RCC2: variants seen among roughly 807,000 people sequenced by gnomAD.
The protein encoded by RCC2 is protein RCC2.
RCC2 carries 19 observed loss-of-function variants against 64.1 expected under a neutral mutation model. That is an observed-to-expected ratio of 0.30 (90% confidence interval 0.21 to 0.44). RCC2 has a LOEUF of 0.44. Among genes scored for constraint, RCC2 ranks in the 20% least tolerant of loss-of-function variants. RCC2 has a pLI of 1.00. For synonymous variants in RCC2, 325 were observed against 279.6 expected (o/e 1.16, Z -1.62); for missense variants, 508 against 710.4 (o/e 0.72, Z 3.24).
chr1:17,412,331 G>A (rs571971967), intron 10 of RCC2, 137 bp from the exon 11 acceptor site: 5 of 700,496 alleles, frequency 7.1e-6, no homozygotes, highest in African/African-American at 5.4e-5. Context: ...CAATAACAGG[G>A]CCAACAGGTT....
At chr1:17,437,556 G>T (rs989989042) in intron 2 of RCC2, among the ~76,000 whole-genome samples, 1 of 152,076 alleles carries the variant, frequency 6.6e-6, no homozygotes, top group African/African-American at 2.4e-5. Flanking sequence ...TCTTCACTTG[G>T]GGGGGCTACA....
At position 17,422,739 on chromosome 1, in the gene RCC2, T is replaced by C. The variant is rs1464096435; in HGVS notation, c.621A>G (p.Ala207=). 1.9e-6 allele frequency: 3 copies of C among 1,614,118 alleles called. No homozygotes were observed. The highest frequency in any genetic ancestry group is 1.6e-4 in the Middle Eastern group (1 of 6,062). ...EGLSHEVIVS[A]ACGRNHTLAL... is the part of the protein sequence containing the mutation. Reference sequence around the variant, plus strand: ...CCAAGGTGTGGTTCCGCCCACATGCTGCAGACACAATCACTTCGTGGCTAA... The same window carrying C: ...CCAAGGTGTGGTTCCGCCCACATGCCGCAGACACAATCACTTCGTGGCTAA... Residue 207 remains alanine (A), a synonymous_variant, in exon 5 of 13, where the codon GCA becomes GCG. Transcript: ENST00000375436.
rs372939863 is a variant in RCC2, at chr1:17,432,939, A to C, written c.286-3740T>G. Among the ~76,000 whole-genome samples the C allele has an allele frequency of 8.7e-4, 133 of 152,256 alleles. 1 individual carries two copies. The highest frequency in any genetic ancestry group is 3.1e-3 in the African/African-American group (129 of 41,562). On this transcript the variant is annotated intron_variant, in intron 2 of 12. Coordinates refer to ENST00000375436, the MANE Select transcript of RCC2 (RefSeq NM_018715.4). ...CGCCACTGCACTCCAGACTGGGCGA[A>C]AGAGCGAGACTCCATCTTAAAAAAA...
In RCC2 at chr1:17,424,281, C is replaced by T. The variant is rs558959346; in HGVS notation, c.523+1260G>A. Among the ~76,000 whole-genome samples, 5 of 152,322 alleles carry T rather than the reference C, an allele frequency of 3.3e-5. 1 individual carries two copies. In the South Asian group the frequency reaches 6.2e-4, roughly 19 times the overall value. The stretch of plus-strand genomic sequence containing the variant: ...CTGCACTGTCTGCTCGGGGATCACA[C>T]GTCTTGATGGCGGGACATACATTGT... On this transcript the variant is annotated intron_variant, in intron 4 of 12. Transcript: ENST00000375436.
At chr1:17,437,478 T>C (rs1339111843) in intron 2 of RCC2, among the ~76,000 whole-genome samples, 1 of 152,144 alleles carries the variant, frequency 6.6e-6, no homozygotes, top group East Asian at 1.9e-4. Context: ...GAACGTTAAC[T>C]TGAGTCAGCC....
At chr1:17,431,359 A>AAAATATATATAT (rs1553158471) in intron 2 of RCC2, among the ~76,000 whole-genome samples, 10 of 44,922 alleles carry the variant, frequency 2.2e-4, no homozygotes, top group African/African-American at 6.4e-4. Flanking sequence ...AAAAAAAAAA[A>AAAATATATATAT]ATATATATAT....
intron 11 of RCC2, among the ~76,000 whole-genome samples, chr1:17,411,684 C>T (rs944459016): frequency 6.6e-6 from 1 of 151,704 alleles, no homozygotes; most frequent in Non-Finnish European, 1.5e-5. Flanking sequence ...TGAGTTCTAA[C>T]CTCATCACTC....
At chr1:17,425,894 C>T (rs1177774108) in intron 3 of RCC2, among the ~76,000 whole-genome samples, 1 of 152,186 alleles carries the variant, frequency 6.6e-6, no homozygotes, top group Non-Finnish European at 1.5e-5. Context: ...AATCAAAATA[C>T]CCAGAAGCTG....
intron 2 of RCC2, among the ~76,000 whole-genome samples, chr1:17,433,815 T>C (rs1029046184): frequency 2.6e-5 from 4 of 152,178 alleles, no homozygotes; most frequent in Non-Finnish European, 4.4e-5. Context: ...CATAGGTCCA[T>C]GTAGAAGACC....
At position 17,420,705 on chromosome 1, in the gene RCC2, CT is replaced by C; in HGVS notation, c.859+8del. 6.4e-7 allele frequency: 1 copy of C among 1,554,916 alleles called. No individual in the cohort carries two copies. The highest frequency in any genetic ancestry group is 8.7e-7 in the Non-Finnish European group (1 of 1,143,934). ...GATTACAGAGCTTTTAAAAAATGTA[CT>C]TCCATACCCAGCTGACCATATTCAG... On this transcript the variant is annotated splice_region_variant and intron_variant, in intron 7 of 12. Coordinates refer to ENST00000375436, the MANE Select transcript of RCC2 (RefSeq NM_018715.4).
chr1:17,434,524 T>C (rs947535491), intron 2 of RCC2, among the ~76,000 whole-genome samples: 16 of 152,164 alleles, frequency 1.1e-4, no homozygotes, highest in African/African-American at 3.9e-4. Context: ...TATAATAAAC[T>C]GGTGTTTCCC....
chr1:17,429,252 T>C lies in RCC2; in HGVS notation c.286-53A>G, dbSNP rs1047950888. 8 of 1,404,948 alleles carry C rather than the reference T, an allele frequency of 5.7e-6. No homozygotes were observed. The African/African-American group carries it at 8.5e-5, about 15-fold the overall frequency. The allele number at this position is 1,404,948 out of a possible 1,614,324, so 87.0% of individuals were successfully genotyped here. A position where few individuals can be genotyped will look rare whatever the true frequency, so the allele number is the denominator to read the frequency against. On this transcript the variant is annotated intron_variant, in intron 2 of 12. Coordinates refer to ENST00000375436, the MANE Select transcript of RCC2 (RefSeq NM_018715.4). Reference sequence around the variant, plus strand: ...ATTAGTGTGTAAGTCTGCACCTAGCTTTCCAAGGCTGTCCAATGACAGCAC... The same window carrying C: ...ATTAGTGTGTAAGTCTGCACCTAGCCTTCCAAGGCTGTCCAATGACAGCAC...
intron 7 of RCC2, among the ~76,000 whole-genome samples, chr1:17,417,328 C>G (rs1439921696): frequency 6.6e-6 from 1 of 152,244 alleles, no homozygotes; most frequent in Admixed American, 6.5e-5. Context: ...AGCAGCAGGG[C>G]TGCTAAGTAG....
At chr1:17,426,205 T>G (rs569048966) in intron 3 of RCC2, among the ~76,000 whole-genome samples, 51 of 152,138 alleles carry the variant, frequency 3.4e-4, no homozygotes, top group African/African-American at 1.2e-3. Context: ...ATCTCCGGCC[T>G]TCACCCTGGG....
At chr1:17,417,552 G>C (rs1045331478) in intron 7 of RCC2, among the ~76,000 whole-genome samples, 2 of 152,122 alleles carry the variant, frequency 1.3e-5, no homozygotes, top group Non-Finnish European at 2.9e-5. Flanking sequence ...GCGTGGTGGT[G>C]GGTGCCTATA....
chr1:17,409,068 G>A lies in RCC2; in HGVS notation c.*22C>T. 1 of 1,515,388 alleles carries A rather than the reference G, an allele frequency of 6.6e-7. No homozygotes were observed. Among genetic ancestry groups the A allele is most frequent in the Non-Finnish European group, 9.2e-7 (1 of 1,089,970 alleles). 93.9% of individuals were successfully genotyped at this position (1,515,388 alleles called of 1,614,324 possible). A position where few individuals can be genotyped will look rare whatever the true frequency, so the allele number is the denominator to read the frequency against. On this transcript the variant is annotated 3_prime_UTR_variant, in exon 13 of 13. Transcript: ENST00000375436. ...TGACAGCTGCCGCGAGAGGTGTGGAGTCGGAGGAGTCTCCGGGAGCATCAG... is the reference window on the plus strand; with the variant it reads ...TGACAGCTGCCGCGAGAGGTGTGGAATCGGAGGAGTCTCCGGGAGCATCAG...
intron 3 of RCC2, among the ~76,000 whole-genome samples, chr1:17,425,905 G>A (rs962675547): frequency 2.6e-5 from 4 of 152,170 alleles, no homozygotes; most frequent in Non-Finnish European, 4.4e-5. Context: ...CCAGAAGCTG[G>A]CACAGGCCTG....
rs2075406118 is a variant in RCC2, at chr1:17,409,889, C to T, written c.1464+85G>A. The T allele has an allele frequency of 5.0e-6, 6 of 1,198,666 alleles. No homozygotes were observed. In the Admixed American group the frequency reaches 5.1e-5, roughly 10 times the overall value. The allele number at this position is 1,198,666 out of a possible 1,614,324, so 74.3% of individuals were successfully genotyped here. ...GAGATGGTAAACAAGACAACCCAAA[C>T]AGACTGCGATGATCAAAATCATGAG... On this transcript the variant is annotated intron_variant, in intron 12 of 12. Transcript: ENST00000375436.
In RCC2 at chr1:17,438,355, C is replaced by T. The variant is rs2075765270; in HGVS notation, c.160G>A (p.Glu54Lys). ...SSSGGGSSGD[E>K]DGLELDGAPG... ...GCCCCGTCGAGCTCCAGGCCGTCCT[C>T]GTCGCCGCTGCTGCCGCCGCCGCTG... Residue 54 changes from glutamate (E) to lysine (K), a missense_variant, in exon 2 of 13, where the codon GAG becomes AAG. Glu to Lys is a moderately conservative substitution (Grantham distance 56, BLOSUM62 1). Coordinates refer to ENST00000375436, the MANE Select transcript of RCC2 (RefSeq NM_018715.4). 8.1e-7 allele frequency: 1 copy of T among 1,239,930 alleles called. No homozygotes were observed. Among genetic ancestry groups the T allele is most frequent in the Non-Finnish European group, 1.0e-6 (1 of 993,082 alleles). The allele number at this position is 1,239,930 out of a possible 1,614,324, so 76.8% of individuals were successfully genotyped here.
Sources: gnomAD v4.1 joint callset for allele counts (sites outside exome capture counted in the v4.1 genomes callset) on GRCh38, gnomAD v4.1.1 for gene constraint, MANE v1.5 for transcripts, NCBI Gene and HGNC (gene_info 2026-07-23, HGNC 2026-07-21) for gene names.